ZDHHC3: variants seen among roughly 807,000 people sequenced by gnomAD.
ZDHHC3 encodes palmitoyltransferase ZDHHC3.
A neutral mutation model predicts 30.6 loss-of-function variants in ZDHHC3; 9 were observed. The observed-to-expected ratio is 0.29, with a 90% CI of 0.18 to 0.51. The LOEUF (loss-of-function observed/expected upper bound fraction) is 0.51, where lower values mean the gene tolerates loss of function less well. ZDHHC3 is among the 20% of genes least tolerant of loss of function. ZDHHC3 has a pLI of 0.97. For synonymous variants in ZDHHC3, 136 were observed against 140.2 expected (o/e 0.97, Z 0.21); for missense variants, 246 against 384.2 (o/e 0.64, Z 3.01).
chr3:44,933,766 A>G (rs1575804131), intron 4 of ZDHHC3, 122 bp downstream of exon 4: 1 of 878,530 alleles, frequency 1.1e-6, no homozygotes, highest in Admixed American at 1.8e-5. Context: ...GCAGGAAGGC[A>G]GAGATCTACA....
intron 4 of ZDHHC3, 31 bp downstream of exon 4, chr3:44,933,857 G>A: frequency 6.3e-7 from 1 of 1,596,106 alleles, no homozygotes; most frequent in African/African-American, 1.3e-5. Flanking sequence ...TGCTTCATGG[G>A]GGGCAGGGCA....
chr3:44,958,017 G>A (rs1478976162), intron 2 of ZDHHC3, among the ~76,000 whole-genome samples: 1 of 152,192 alleles, frequency 6.6e-6, no homozygotes, highest in African/African-American at 2.4e-5. Context: ...ATATCCTTGT[G>A]TTTGGGGACA....
Position 44,918,569 on chromosome 3 carries a change from G to C in ZDHHC3, c.*8120C>G. On this transcript the variant is annotated 3_prime_UTR_variant, in exon 7 of 7. Transcript: ENST00000424952. ...TAAATATTTTTGGCCACTCCCACCA[G>C]GGTAGATAGGGGCTGCAAACACAGC... is the stretch of plus-strand genomic sequence containing the variant. 1 of 985,448 alleles carries C rather than the reference G, an allele frequency of 1.0e-6. No homozygotes were observed. The highest frequency in any genetic ancestry group is 1.7e-5 in the African/African-American group (1 of 57,364). The allele number at this position is 985,448 out of a possible 1,614,324, so 61.0% of individuals were successfully genotyped here. A position where few individuals can be genotyped will look rare whatever the true frequency, so the allele number is the denominator to read the frequency against.
Position 44,918,205 on chromosome 3 carries a change from G to C in ZDHHC3, c.*8484C>G, listed in dbSNP as rs1700328022. ...GGTGCTGGGCTGTACAGCTCACATA[G>C]ACACCCCCAGCTATAGCATAGCAGT... On this transcript the variant is annotated 3_prime_UTR_variant, in exon 7 of 7. Coordinates refer to ENST00000424952, the MANE Select transcript of ZDHHC3 (RefSeq NM_001135179.2). The C allele has an allele frequency of 8.0e-7, 1 of 1,247,970 alleles. No individual in the cohort carries two copies. The highest frequency in any genetic ancestry group is 2.5e-5 in the Admixed American group (1 of 39,828). 77.3% of individuals were successfully genotyped at this position (1,247,970 alleles called of 1,614,324 possible).
chr3:44,919,764 T>G lies in ZDHHC3; in HGVS notation c.*6925A>C, dbSNP rs2125778603. ...ATTATGGTTGTATAAAATGTTTACC[T>G]TTGGTGAGACTGACTGAAAGGTACA... is the stretch of plus-strand genomic sequence containing the variant. On this transcript the variant is annotated 3_prime_UTR_variant, in exon 7 of 7. Coordinates refer to ENST00000424952, the MANE Select transcript of ZDHHC3 (RefSeq NM_001135179.2). The G allele has an allele frequency of 1.7e-6, 1 of 575,124 alleles. No individual in the cohort carries two copies. The highest frequency in any genetic ancestry group is 2.2e-6 in the Non-Finnish European group (1 of 455,458). 35.6% of individuals were successfully genotyped at this position (575,124 alleles called of 1,614,324 possible). A position where few individuals can be genotyped will look rare whatever the true frequency, so the allele number is the denominator to read the frequency against.
intron 2 of ZDHHC3, among the ~76,000 whole-genome samples, chr3:44,953,211 A>G (rs546976955): frequency 6.6e-6 from 1 of 152,366 alleles, no homozygotes; most frequent in East Asian, 1.9e-4. Flanking sequence ...TGGCAGAAGT[A>G]GGGTTCTGAC....
intron 2 of ZDHHC3, among the ~76,000 whole-genome samples, chr3:44,956,039 A>C (rs1703925379): frequency 6.6e-6 from 1 of 152,152 alleles, no homozygotes; most frequent in Non-Finnish European, 1.5e-5. Context: ...CTGCTTTGGG[A>C]TTGGAAGCTG....
At chr3:44,934,200 C>T (rs1401609836) in intron 3 of ZDHHC3, among the ~76,000 whole-genome samples, 2 of 152,082 alleles carry the variant, frequency 1.3e-5, no homozygotes, top group Non-Finnish European at 2.9e-5. Context: ...AGTCATTCTC[C>T]AAAGCCCCTT....
Position 44,976,156 on chromosome 3 carries a change from A to C in ZDHHC3, c.-248T>G. ...CAGTGGCGGCGGCCGCGGCTGCAGG[A>C]GCGGCCGCCGCGCAGGTTGATGACG... is the stretch of plus-strand genomic sequence containing the variant. On this transcript the variant is annotated 5_prime_UTR_variant, in exon 1 of 7. Transcript: ENST00000424952. 17 of 756,928 alleles carry C rather than the reference A, an allele frequency of 2.2e-5. No individual in the cohort carries two copies. Among genetic ancestry groups the C allele is most frequent in the East Asian group, 4.0e-5 (1 of 24,964 alleles). 46.9% of individuals were successfully genotyped at this position (756,928 alleles called of 1,614,324 possible). A position where few individuals can be genotyped will look rare whatever the true frequency, so the allele number is the denominator to read the frequency against.
In ZDHHC3 at chr3:44,920,706, C is replaced by G; in HGVS notation, c.*5983G>C. 1.0e-6 allele frequency: 1 copy of G among 985,382 alleles called. No individual in the cohort carries two copies. Among genetic ancestry groups the G allele is most frequent in the South Asian group, 4.7e-5 (1 of 21,276 alleles). 61.0% of individuals were successfully genotyped at this position (985,382 alleles called of 1,614,324 possible). ...TCAGTCAGAGAGAAGGGGAATGAAGCCAAGAGCCCACAGGATGATTATTTG... is the reference window on the plus strand; with the variant it reads ...TCAGTCAGAGAGAAGGGGAATGAAGGCAAGAGCCCACAGGATGATTATTTG... On this transcript the variant is annotated 3_prime_UTR_variant, in exon 7 of 7. Transcript: ENST00000424952.
chr3:44,948,905 G>A (rs74678886), intron 2 of ZDHHC3, among the ~76,000 whole-genome samples: 1,587 of 152,352 alleles, frequency 0.01, 15 homozygotes, highest in South Asian at 0.02. Flanking sequence ...GCAATGACGT[G>A]CTTCCCCACT....
chr3:44,933,639 T>C (rs2125827902), intron 4 of ZDHHC3, among the ~76,000 whole-genome samples: 1 of 152,228 alleles, frequency 6.6e-6, no homozygotes, highest in African/African-American at 2.4e-5. Flanking sequence ...GGTCCAACAC[T>C]TGGAATGGGA....
chr3:44,949,434 G>A (rs1357976979), intron 2 of ZDHHC3, among the ~76,000 whole-genome samples: 2 of 152,092 alleles, frequency 1.3e-5, no homozygotes, highest in Non-Finnish European at 2.9e-5. Flanking sequence ...GAGCAGCCTG[G>A]GCAACATAGT....
chr3:44,953,249 TCA>T (rs1293179931), intron 2 of ZDHHC3, among the ~76,000 whole-genome samples: 1 of 152,230 alleles, frequency 6.6e-6, no homozygotes, highest in Admixed American at 6.5e-5. Context: ...AGAACCTATG[TCA>T]CTATCAGAAG....
chr3:44,924,626 G>C lies in ZDHHC3; in HGVS notation c.*2063C>G. 1 of 985,442 alleles carries C rather than the reference G, an allele frequency of 1.0e-6. No homozygotes were observed. Among genetic ancestry groups the C allele is most frequent in the Non-Finnish European group, 1.2e-6 (1 of 829,926 alleles). 61.0% of individuals were successfully genotyped at this position (985,442 alleles called of 1,614,324 possible). A position where few individuals can be genotyped will look rare whatever the true frequency, so the allele number is the denominator to read the frequency against. ...ATTCCTGAGAAATGCCAGGGGAAAA[G>C]AGCTAACCTGGCTCACTTTAAAAAA... is the stretch of plus-strand genomic sequence containing the variant. On this transcript the variant is annotated 3_prime_UTR_variant, in exon 7 of 7. Transcript: ENST00000424952.
In ZDHHC3 at chr3:44,925,379, C is replaced by A; in HGVS notation, c.*1310G>T. ...GGGTTTCTGGCAATTGCTTAAAAAA[C>A]AAATCAATGTGTGAGAATTCCCCGA... On this transcript the variant is annotated 3_prime_UTR_variant, in exon 7 of 7. Coordinates refer to ENST00000424952, the MANE Select transcript of ZDHHC3 (RefSeq NM_001135179.2). 2.0e-6 allele frequency: 2 copies of A among 985,778 alleles called. No homozygotes were observed. Among genetic ancestry groups the A allele is most frequent in the South Asian group, 9.4e-5 (2 of 21,288 alleles). The allele number at this position is 985,778 out of a possible 1,614,324, so 61.1% of individuals were successfully genotyped here.
rs1700162435 is a variant in ZDHHC3 at position 44,916,318 on chromosome 3, C to T, written c.*10371G>A. On this transcript the variant is annotated 3_prime_UTR_variant, in exon 7 of 7. Coordinates refer to ENST00000424952, the MANE Select transcript of ZDHHC3 (RefSeq NM_001135179.2). ...GAGACGGTCTCTGGCAGGATCGTTGCCCTTCACAGAGTGTCCAAAGATGCT... is the reference window on the plus strand; with the variant it reads ...GAGACGGTCTCTGGCAGGATCGTTGTCCTTCACAGAGTGTCCAAAGATGCT... 2 of 152,218 alleles carry T rather than the reference C, an allele frequency of 1.3e-5. No individual in the cohort carries two copies. Among genetic ancestry groups the T allele is most frequent in the Admixed American group, 6.5e-5 (1 of 15,278 alleles). 9.4% of individuals were successfully genotyped at this position (152,218 alleles called of 1,614,324 possible).
intron 2 of ZDHHC3, among the ~76,000 whole-genome samples, chr3:44,953,615 CT>C (rs1041096291): frequency 1.9e-4 from 29 of 152,336 alleles, no homozygotes; most frequent in African/African-American, 6.7e-4. Context: ...ACTCCAACAG[CT>C]CTCCCAGGAG....
At chr3:44,929,920 A>T (rs770471624) in intron 5 of ZDHHC3, among the ~76,000 whole-genome samples, 1 of 152,216 alleles carries the variant, frequency 6.6e-6, no homozygotes, top group Non-Finnish European at 1.5e-5. Context: ...GCTCACAGGC[A>T]GCTGTGGAGG....
Sources: gnomAD v4.1 joint callset for allele counts (sites outside exome capture counted in the v4.1 genomes callset) on GRCh38, gnomAD v4.1.1 for gene constraint, MANE v1.5 for transcripts, NCBI Gene and HGNC (gene_info 2026-07-23, HGNC 2026-07-21) for gene names.